The following G3BP2 variants were observed in gnomAD, a reference collection of about 807,000 sequenced individuals.
G3BP2 encodes the protein ras GTPase-activating protein-binding protein 2.
A neutral mutation model predicts 56.7 loss-of-function variants in G3BP2; 11 were observed. The observed-to-expected ratio is 0.19, with a 90% CI of 0.12 to 0.32. G3BP2 has a LOEUF of 0.32. Ranked by LOEUF, G3BP2 falls within the 10% of genes least tolerant of loss-of-function variation. G3BP2 has a pLI of 1.00. For missense variants in G3BP2, 340 were observed against 610.9 expected (o/e 0.56, Z 4.67); for synonymous variants, 165 against 191.6 (o/e 0.86, Z 1.15).
chr4:75,706,770 A>G (rs1278631890), intron 3 of G3BP2, among the ~76,000 whole-genome samples: 2 of 152,128 alleles, frequency 1.3e-5, no homozygotes, highest in African/African-American at 4.8e-5. Context: ...CAAAGTTATT[A>G]GAACAATGTC....
chr4:75,721,963 G>A (rs769270802), intron 2 of G3BP2, among the ~76,000 whole-genome samples: 4 of 152,058 alleles, frequency 2.6e-5, no homozygotes, highest in Non-Finnish European at 5.9e-5. Flanking sequence ...AAGTCAGGCC[G>A]TCACAATTTG....
chr4:75,653,102 GAA>G (rs757052448), intron 8 of G3BP2, among the ~76,000 whole-genome samples: 7 of 121,258 alleles, frequency 5.8e-5, no homozygotes, highest in African/African-American at 9.0e-5. Context: ...ATACCCAAAT[GAA>G]AAAAAAAAAA....
chr4:75,649,196 A>G (rs1731480722), intron 8 of G3BP2: 1 of 153,766 alleles, frequency 6.5e-6, no homozygotes, highest in Non-Finnish European at 1.5e-5. Context: ...GCTCAGTAGT[A>G]TTGCCTAAAT....
Position 75,645,713 on chromosome 4 carries a change from G to C in G3BP2, c.1177-11C>G. ...TCGAAACATAATCGGCTTTATAAAA[G>C]AGAAGAAAAATATTTACATGGGCAG... On this transcript the variant is annotated splice_polypyrimidine_tract_variant and intron_variant, in intron 11 of 11. Coordinates refer to ENST00000359707, the MANE Select transcript of G3BP2 (RefSeq NM_203505.3). The C allele has an allele frequency of 2.5e-6, 4 of 1,611,122 alleles. No homozygotes were observed. Among genetic ancestry groups the C allele is most frequent in the Non-Finnish European group, 1.7e-6 (2 of 1,178,286 alleles).
At chr4:75,646,199 TTTA>T in intron 11 of G3BP2, 136 bp downstream of exon 11, 1 of 580,484 alleles carries the variant, frequency 1.7e-6, no homozygotes, top group Non-Finnish European at 3.1e-6. Context: ...CTAACAAATC[TTTA>T]TTCTTTGCAT....
chr4:75,696,346 A>G (rs76807472), intron 3 of G3BP2, among the ~76,000 whole-genome samples: 2,080 of 152,188 alleles, frequency 0.014, 47 homozygotes, highest in African/African-American at 0.047. Flanking sequence ...GCCCGTTTTT[A>G]TGTCTGGCAT....
chr4:75,704,888 C>T (rs1408578928), intron 3 of G3BP2, among the ~76,000 whole-genome samples: 1 of 152,200 alleles, frequency 6.6e-6, no homozygotes, highest in Non-Finnish European at 1.5e-5. Flanking sequence ...CCGCCTTGGC[C>T]TCCCAAAGTG....
chr4:75,701,826 C>G (rs1719356796), intron 3 of G3BP2, among the ~76,000 whole-genome samples: 1 of 152,202 alleles, frequency 6.6e-6, no homozygotes, highest in Non-Finnish European at 1.5e-5. Flanking sequence ...ATTCTACCCA[C>G]TGGAATACTC....
chr4:75,702,154 G>T, intron 3 of G3BP2, among the ~76,000 whole-genome samples: 1 of 145,038 alleles, frequency 6.9e-6, no homozygotes, highest in Admixed American at 7.0e-5. Flanking sequence ...ACCTTAAGAT[G>T]GTATATAAAC....
At chr4:75,676,136 G>A (rs1442669828), upstream of G3BP2, among the ~76,000 whole-genome samples, 2 of 152,026 alleles carry the variant, frequency 1.3e-5, no homozygotes, top group African/African-American at 4.8e-5. Context: ...CCCCTGCCCA[G>A]GTTCAGGCCC....
At chr4:75,719,311 G>A (rs1299038515) in intron 3 of G3BP2, among the ~76,000 whole-genome samples, 1 of 135,044 alleles carries the variant, frequency 7.4e-6, no homozygotes, top group African/African-American at 2.8e-5. Flanking sequence ...TCCCGCCACT[G>A]CACTCCAGCC....
upstream of G3BP2, chr4:75,673,610 G>A (rs1352528016): frequency 1.6e-6 from 2 of 1,231,346 alleles, no homozygotes; most frequent in Admixed American, 4.2e-5. Flanking sequence ...AACCGGAACC[G>A]GCCTAAAGCC....
chr4:75,671,940 G>C (rs1436308421), intron 1 of G3BP2, among the ~76,000 whole-genome samples: 5 of 152,156 alleles, frequency 3.3e-5, no homozygotes, highest in African/African-American at 4.8e-5. Context: ...TATGGAGCTA[G>C]AGAAAAATTG....
intron 3 of G3BP2, among the ~76,000 whole-genome samples, chr4:75,688,497 T>C (rs1371234377): frequency 6.6e-6 from 1 of 152,236 alleles, no homozygotes; most frequent in Non-Finnish European, 1.5e-5. Flanking sequence ...ATGTTCCAGT[T>C]GGCCTCGATC....
At chr4:75,708,612 T>C (rs1276432203) in intron 3 of G3BP2, among the ~76,000 whole-genome samples, 1 of 152,156 alleles carries the variant, frequency 6.6e-6, no homozygotes, top group Non-Finnish European at 1.5e-5. Context: ...TCCATACATC[T>C]TGGGGAATAC....
At chr4:75,696,340 G>T (rs4859545) in intron 3 of G3BP2, among the ~76,000 whole-genome samples, 133,281 of 152,188 alleles carry the variant, frequency 0.88, 58,381 homozygotes, top group East Asian at 0.91. Context: ...TCTGCTGCCC[G>T]TTTTTATGTC....
upstream of G3BP2, among the ~76,000 whole-genome samples, chr4:75,674,719 T>TATATATATATATATATATATA (rs57822618): frequency 1.0e-3 from 53 of 50,858 alleles, 2 homozygotes; most frequent in Middle Eastern, 0.013. Context: ...TATATATATA[T>TATATATATATATATATATATA]TTTTTTTTTT....
chr4:75,702,137 C>G (rs1420509217), intron 3 of G3BP2, among the ~76,000 whole-genome samples: 1 of 149,814 alleles, frequency 6.7e-6, no homozygotes, highest in Non-Finnish European at 1.5e-5. Flanking sequence ...AAGTGCCGTT[C>G]CCCCCTACCT....
In G3BP2 at chr4:75,648,651, C is replaced by G; in HGVS notation, c.916G>C (p.Gly306Arg). ...PRERPGFPPR[G>R]PRPGRGDMEQ... ...GGAGCTGACTCACCTGGTCTTGGTC[C>G]TCTAGGAGGAAAACCAGGTCGTTCT... The change falls in exon 9 of 12, where the codon GGA (glycine) becomes CGA (arginine). Residue 306 changes from glycine (G) to arginine (R), a missense_variant. Physicochemically the swap from Gly to Arg is moderately radical, Grantham distance 125. This residue lies in a region of G3BP2 where 224 missense variants were observed against 332.5 expected (regional missense o/e 0.67). Transcript: ENST00000359707. The G allele has an allele frequency of 6.3e-7, 1 of 1,587,712 alleles. No homozygotes were observed. Among genetic ancestry groups the G allele is most frequent in the Non-Finnish European group, 8.6e-7 (1 of 1,156,230 alleles).
Sources: allele counts gnomAD v4.1 joint callset (sites outside exome capture counted in the v4.1 genomes callset), GRCh38; gene constraint gnomAD v4.1.1; regional missense constraint gnomAD v4.1.1; transcripts MANE v1.5; gene names NCBI Gene and HGNC (gene_info 2026-07-23, HGNC 2026-07-21).